Variants in FAM178B observed in about 807,000 individuals in gnomAD.
FAM178B encodes family with sequence similarity 178 member B.
Under a neutral mutation model 91.7 loss-of-function variants are expected in FAM178B, and 82 were observed. The observed-to-expected ratio is 0.89, with a 90% CI of 0.75 to 1.07. FAM178B has a LOEUF of 1.07. FAM178B is among the 50% of genes least tolerant of loss of function. The probability of loss-of-function intolerance (pLI) is 0.00; values close to 1 mark genes in which losing one functional copy is unlikely to be tolerated. For missense variants in FAM178B, 769 were observed against 846.7 expected (o/e 0.91, Z 1.14); for synonymous variants, 368 against 359.4 (o/e 1.02, Z -0.27).
At chr2:96,983,770 T>C (rs927966434) in intron 1 of FAM178B, among the ~76,000 whole-genome samples, 2 of 152,358 alleles carry the variant, frequency 1.3e-5, no homozygotes, top group Non-Finnish European at 2.9e-5. Context: ...TTCAACATTA[T>C]GCATGTGAAA....
At chr2:96,959,878 T>C (rs891054083) in intron 6 of FAM178B, among the ~76,000 whole-genome samples, 1 of 152,162 alleles carries the variant, frequency 6.6e-6, no homozygotes, top group Non-Finnish European at 1.5e-5. Context: ...AGTGTCTGCA[T>C]CACACACACA....
At chr2:96,942,553 C>T (rs965556044) in intron 8 of FAM178B, among the ~76,000 whole-genome samples, 8 of 152,056 alleles carry the variant, frequency 5.3e-5, no homozygotes, top group Admixed American at 6.5e-5. Flanking sequence ...CCACCATGCC[C>T]GGCTAATTTT....
chr2:96,889,886 C>A (rs1264575558), intron 14 of FAM178B, among the ~76,000 whole-genome samples: 1 of 151,148 alleles, frequency 6.6e-6, no homozygotes, highest in Non-Finnish European at 1.5e-5. Context: ...TGCCTGTAAT[C>A]CCAGCACTTT....
intron 14 of FAM178B, among the ~76,000 whole-genome samples, chr2:96,881,250 A>C (rs2080374767): frequency 6.7e-6 from 1 of 149,674 alleles, no homozygotes; most frequent in African/African-American, 2.5e-5. Context: ...AGCCGTGGGC[A>C]ACAGAGCAAA....
chr2:96,907,251 G>C (rs779908082), intron 12 of FAM178B, among the ~76,000 whole-genome samples: 35 of 152,262 alleles, frequency 2.3e-4, no homozygotes, highest in Non-Finnish European at 4.3e-4. Flanking sequence ...GCAAGGAGGG[G>C]GCAGGGGGCG....
At chr2:96,926,996 G>A (rs1020106368) in intron 9 of FAM178B, among the ~76,000 whole-genome samples, 2 of 152,188 alleles carry the variant, frequency 1.3e-5, no homozygotes, top group Admixed American at 6.5e-5. Flanking sequence ...ATGCCTGGGC[G>A]GAGCCAGCTC....
Position 96,921,600 on chromosome 2 carries a change from T to C in FAM178B, c.1342A>G (p.Met448Val), listed in dbSNP as rs2081341196. 1 of 1,551,508 alleles carries C rather than the reference T, an allele frequency of 6.4e-7. No individual in the cohort carries two copies. The highest frequency in any genetic ancestry group is 8.7e-7 in the Non-Finnish European group (1 of 1,146,868). The change falls in exon 11 of 17, where the codon ATG becomes GTG. Residue 448 changes from methionine (M) to valine (V), a missense_variant. Physicochemically the swap from Met to Val is conservative, Grantham distance 21 (BLOSUM62 1). Transcript: ENST00000490605. ...CGGCACAGCAGCTCAATCAGTCCCA[T>C]GAGGTTCTCATCAGTGTAGGCCCCC... ...QPGAYTDENLMGLIELLCRTS... is the reference protein window; with the variant it reads ...QPGAYTDENLVGLIELLCRTS...
At chr2:96,961,312 G>GGTGTGT (rs70964889) in intron 5 of FAM178B, among the ~76,000 whole-genome samples, 3,628 of 146,818 alleles carry the variant, frequency 0.025, 70 homozygotes, top group Middle Eastern at 0.046. Context: ...AGCAGCAGAG[G>GGTGTGT]GTGTGTGTGT....
At chr2:96,902,738 TG>T in intron 12 of FAM178B, 31 bp from the exon 13 acceptor site, 1 of 1,522,234 alleles carries the variant, frequency 6.6e-7, no homozygotes, top group Non-Finnish European at 8.9e-7. Flanking sequence ...TGAGAGAGGG[TG>T]TGCTGGAAGT....
intron 14 of FAM178B, among the ~76,000 whole-genome samples, chr2:96,884,687 C>T (rs560521575): frequency 3.9e-5 from 6 of 152,332 alleles, no homozygotes; most frequent in East Asian, 3.9e-4. Context: ...GCCACCAGGA[C>T]GAGGCTGCCA....
At position 96,878,484 on chromosome 2, in the gene FAM178B, G is replaced by C; in HGVS notation, c.1786C>G (p.Leu596Val). ...GCCAGCATCAGCAAGCTGTGGCACA[G>C]GTAGCAGGCCTGGAGGGAGAGCACA... is the stretch of plus-strand genomic sequence containing the variant. ...SAELDHKACY[L>V]CHSLLMLAGV... The change falls in exon 15 of 17, where the codon CTG becomes GTG. Residue 596 changes from leucine to valine, a missense_variant. Transcript: ENST00000490605. 3 of 1,613,876 alleles carry C rather than the reference G, an allele frequency of 1.9e-6. No individual in the cohort carries two copies. The highest frequency in any genetic ancestry group is 2.5e-6 in the Non-Finnish European group (3 of 1,180,016).
chr2:96,952,275 C>T (rs1047842246), intron 6 of FAM178B, among the ~76,000 whole-genome samples: 2 of 152,016 alleles, frequency 1.3e-5, no homozygotes, highest in African/African-American at 4.8e-5. Context: ...CTGAGAAGAC[C>T]GGAAAATAAC....
chr2:96,877,806 G>T, intron 16 of FAM178B, 84 bp downstream of exon 16: 1 of 1,373,162 alleles, frequency 7.3e-7, no homozygotes, highest in Non-Finnish European at 1.0e-6. Flanking sequence ...AGCTGCAGCG[G>T]GGGTGGATGT....
intron 16 of FAM178B, among the ~76,000 whole-genome samples, chr2:96,877,022 T>A (rs1287406859): frequency 6.6e-6 from 1 of 152,188 alleles, no homozygotes; most frequent in Non-Finnish European, 1.5e-5. Context: ...TCAGGGCCTC[T>A]GGTTAGTCTG....
At chr2:96,943,206 C>A (rs1429401116) in intron 8 of FAM178B, among the ~76,000 whole-genome samples, 1 of 152,192 alleles carries the variant, frequency 6.6e-6, no homozygotes, top group Non-Finnish European at 1.5e-5. Context: ...AGAAAACCCA[C>A]AAAATGAGAG....
intron 14 of FAM178B, among the ~76,000 whole-genome samples, chr2:96,882,676 C>T (rs185443050): frequency 2.0e-5 from 3 of 152,340 alleles, no homozygotes; most frequent in African/African-American, 7.2e-5. Context: ...CCCTTCTATA[C>T]GCCAGAGGGA....
chr2:96,888,459 C>G (rs1368488037), intron 14 of FAM178B, among the ~76,000 whole-genome samples: 1 of 152,210 alleles, frequency 6.6e-6, no homozygotes, highest in Non-Finnish European at 1.5e-5. Context: ...GTGGCCTGTG[C>G]CCAGGGGAAC....
intron 9 of FAM178B, among the ~76,000 whole-genome samples, chr2:96,927,578 G>A (rs1049198255): frequency 1.3e-5 from 2 of 152,178 alleles, no homozygotes; most frequent in African/African-American, 4.8e-5. Flanking sequence ...TGAAGTCTGC[G>A]TGCCGGGGTT....
intron 8 of FAM178B, among the ~76,000 whole-genome samples, chr2:96,945,012 C>A (rs1250846877): frequency 6.6e-6 from 1 of 152,164 alleles, no homozygotes; most frequent in Admixed American, 6.5e-5. Flanking sequence ...CTGATGGTCG[C>A]TGCTCATTTA....
Sources: allele counts gnomAD v4.1 joint callset (sites outside exome capture counted in the v4.1 genomes callset), GRCh38; gene constraint gnomAD v4.1.1; transcripts MANE v1.5; gene names NCBI Gene and HGNC (gene_info 2026-07-23, HGNC 2026-07-21).